TEK: variants seen among roughly 807,000 people sequenced by gnomAD.
TEK encodes the protein TEK receptor tyrosine kinase.
In TEK, 43 loss-of-function variants were observed where a neutral mutation model predicts 131.8. The ratio of observed to expected loss-of-function variants is 0.33; its 90% CI spans 0.26 to 0.42. The LOEUF (loss-of-function observed/expected upper bound fraction) is 0.42, where lower values mean the gene tolerates loss of function less well. Among genes scored for constraint, TEK ranks in the 10% least tolerant of loss-of-function variants. The probability of loss-of-function intolerance (pLI) is 1.00; values close to 1 mark genes in which losing one functional copy is unlikely to be tolerated. For synonymous variants in TEK, 580 were observed against 491.6 expected (o/e 1.18, Z -2.38); for missense variants, 1,162 against 1,384.4 (o/e 0.84, Z 2.55).
chr9:27,113,013 A>C (rs1205680743), intron 1 of TEK, among the ~76,000 whole-genome samples: 1 of 152,202 alleles, frequency 6.6e-6, no homozygotes, highest in African/African-American at 2.4e-5. Context: ...ATGAAGTCCA[A>C]ATCAGAAATG....
At chr9:27,136,643 A>T (rs1001368123) in intron 1 of TEK, among the ~76,000 whole-genome samples, 1 of 152,098 alleles carries the variant, frequency 6.6e-6, no homozygotes, top group Admixed American at 6.5e-5. Flanking sequence ...AGTACAACAC[A>T]CTGAACTGAC....
intron 21 of TEK, among the ~76,000 whole-genome samples, chr9:27,224,498 A>G (rs1302318757): frequency 6.6e-6 from 1 of 152,180 alleles, no homozygotes; most frequent in Non-Finnish European, 1.5e-5. Flanking sequence ...AACAGAACCA[A>G]TGAAAAAAAC....
intron 1 of TEK, among the ~76,000 whole-genome samples, chr9:27,149,150 G>T (rs1823037550): frequency 6.6e-6 from 1 of 152,066 alleles, no homozygotes. Flanking sequence ...CAATGTTTAT[G>T]GAATACCTAT....
chr9:27,159,771 A>G (rs1278948832), intron 2 of TEK, among the ~76,000 whole-genome samples: 1 of 152,190 alleles, frequency 6.6e-6, no homozygotes, highest in Non-Finnish European at 1.5e-5. Context: ...CTGGACAGGC[A>G]GGCAGACTTC....
At chr9:27,217,916 T>G (rs939559402) in intron 19 of TEK, among the ~76,000 whole-genome samples, 158 bp downstream of exon 19, 1 of 151,672 alleles carries the variant, frequency 6.6e-6, no homozygotes, top group African/African-American at 2.4e-5. Context: ...AGCCACAGAG[T>G]AGACAGTTTC....
intron 18 of TEK, among the ~76,000 whole-genome samples, chr9:27,215,155 G>A (rs879905114): frequency 6.6e-6 from 1 of 152,186 alleles, no homozygotes. Context: ...CCCAAGACTA[G>A]CACTGGTTTG....
chr9:27,197,258 C>T, intron 11 of TEK, 57 bp from the exon 12 acceptor site: 1 of 1,584,478 alleles, frequency 6.3e-7, no homozygotes, highest in Non-Finnish European at 8.6e-7. Flanking sequence ...GGTGGGGACA[C>T]TAATCCAAAC....
In TEK at chr9:27,228,323, G is replaced by T; in HGVS notation, c.3300+18G>T. 6.3e-7 allele frequency: 1 copy of T among 1,586,110 alleles called. No individual in the cohort carries two copies. Among genetic ancestry groups the T allele is most frequent in the East Asian group, 2.2e-5 (1 of 44,678 alleles). On this transcript the variant is annotated intron_variant, in intron 22 of 22. Transcript: ENST00000380036. ...AGCGAAAGGTAAGTATTAAAGTCAG[G>T]CAGGAGATCTTTAATTGGAATACCT... is the stretch of plus-strand genomic sequence containing the variant.
Position 27,206,692 on chromosome 9 carries a change from A to G in TEK, c.2475A>G (p.Lys825=). The G allele has an allele frequency of 6.2e-7, 1 of 1,614,086 alleles. No homozygotes were observed. The highest frequency in any genetic ancestry group is 8.5e-7 in the Non-Finnish European group (1 of 1,179,994). Reference sequence around the variant, plus strand: ...CAGTGCTTGACTGGAATGACATCAAATTTCAAGATGTGATTGGGGAGGGCA... The same window carrying G: ...CAGTGCTTGACTGGAATGACATCAAGTTTCAAGATGTGATTGGGGAGGGCA... ...IYPVLDWNDI[K]FQDVIGEGNF... Residue 825 remains lysine, a synonymous_variant, in exon 15 of 23, where the codon AAA becomes AAG. Coordinates refer to ENST00000380036, the MANE Select transcript of TEK (RefSeq NM_000459.5).
chr9:27,218,851 C>G lies in TEK; in HGVS notation c.3103+34C>G, dbSNP rs747412739. 7 of 1,608,136 alleles carry G rather than the reference C, an allele frequency of 4.4e-6. No individual in the cohort carries two copies. In the East Asian group the frequency reaches 1.3e-4, roughly 31 times the overall value. On this transcript the variant is annotated intron_variant, in intron 20 of 22. Transcript: ENST00000380036. The stretch of plus-strand genomic sequence containing the variant: ...CTATGTTTATCTACCAGGTGAGACT[C>G]TAGGCAAAGTGAGTGGAAGCCTCTA...
chr9:27,149,947 G>T (rs945913308), intron 1 of TEK, among the ~76,000 whole-genome samples: 5 of 152,170 alleles, frequency 3.3e-5, no homozygotes, highest in African/African-American at 1.2e-4. Flanking sequence ...GACAAAGTGA[G>T]TAGGGAAGAT....
At chr9:27,205,574 C>G (rs530038778) in intron 14 of TEK, among the ~76,000 whole-genome samples, 1 of 152,132 alleles carries the variant, frequency 6.6e-6, no homozygotes, top group East Asian at 1.9e-4. Context: ...TGTGTGTCTT[C>G]CATTCCTGTG....
chr9:27,144,465 C>G (rs76581478), intron 1 of TEK, among the ~76,000 whole-genome samples: 1 of 152,182 alleles, frequency 6.6e-6, no homozygotes, highest in African/African-American at 2.4e-5. Flanking sequence ...TTCTCAAGAA[C>G]TCTCTCTTAA....
chr9:27,228,474 T>A (rs542546640), intron 22 of TEK, among the ~76,000 whole-genome samples, 169 bp downstream of exon 22: 2 of 152,118 alleles, frequency 1.3e-5, no homozygotes, highest in African/African-American at 4.8e-5. Context: ...AGTTACAATT[T>A]TGGGGGGAAA....
intron 1 of TEK, among the ~76,000 whole-genome samples, chr9:27,128,117 T>G (rs1020635756): frequency 2.0e-5 from 3 of 152,114 alleles, no homozygotes; most frequent in Admixed American, 1.3e-4. Flanking sequence ...TAGGTCTAAC[T>G]TGTAAGTCTT....
chr9:27,226,868 GGCATGTTTGAAGACT>G (rs1223324935), intron 21 of TEK, among the ~76,000 whole-genome samples: 1 of 152,114 alleles, frequency 6.6e-6, no homozygotes, highest in African/African-American at 2.4e-5. Flanking sequence ...GAAGCTAACT[GGCATGTTTGAAGACT>G]GCAAGGCTCT....
At chr9:27,173,477 T>C in intron 6 of TEK, 115 bp downstream of exon 6, 2 of 1,274,144 alleles carry the variant, frequency 1.6e-6, no homozygotes, top group Non-Finnish European at 2.3e-6. Flanking sequence ...TACCCACTAC[T>C]GGACAACAGG....
At chr9:27,110,120 A>G (rs1405420499) in intron 1 of TEK, among the ~76,000 whole-genome samples, 1 of 152,162 alleles carries the variant, frequency 6.6e-6, no homozygotes, top group Non-Finnish European at 1.5e-5. Context: ...GCTTTTCTGT[A>G]AAAAGATTTT....
At chr9:27,211,191 A>ATATGTGTATATATATGAATATATG (rs1554701100) in intron 16 of TEK, among the ~76,000 whole-genome samples, 6 of 143,328 alleles carry the variant, frequency 4.2e-5, no homozygotes, top group Non-Finnish European at 7.5e-5. Context: ...ATATGAATAT[A>ATATGTGTATATATATGAATATATG]TGTATATATA....
Sources: gnomAD v4.1 joint callset for allele counts (sites outside exome capture counted in the v4.1 genomes callset) on GRCh38, gnomAD v4.1.1 for gene constraint, MANE v1.5 for transcripts, NCBI Gene and HGNC (gene_info 2026-07-23, HGNC 2026-07-21) for gene names.